CAST: variants seen among roughly 807,000 people sequenced by gnomAD.
The protein encoded by CAST is MIR583 host.
Under a neutral mutation model 119.6 loss-of-function variants are expected in CAST, and 76 were observed. The ratio of observed to expected loss-of-function variants is 0.64; its 90% CI spans 0.53 to 0.77. The LOEUF is 0.77. CAST is among the 30% of genes least tolerant of loss of function. The probability of loss-of-function intolerance (pLI) is 0.00; values close to 1 mark genes in which losing one functional copy is unlikely to be tolerated. For missense variants in CAST, 953 were observed against 946.5 expected (o/e 1.01, Z -0.09); for synonymous variants, 319 against 331.6 (o/e 0.96, Z 0.41).
chr5:96,555,580 C>A (rs142646887), intron 1 of CAST, among the ~76,000 whole-genome samples: 1,897 of 152,286 alleles, frequency 0.012, 58 homozygotes, highest in African/African-American at 0.044. Context: ...GACATTATAT[C>A]CCGCACCTGG....
the CAST span, among the ~76,000 whole-genome samples, chr5:96,468,135 A>G: frequency 6.6e-6 from 1 of 152,052 alleles, no homozygotes; most frequent in Non-Finnish European, 1.5e-5. Context: ...AGAATGAAAA[A>G]CCAAATGCTG....
intron 22 of CAST, among the ~76,000 whole-genome samples, chr5:96,755,564 C>T (rs1444969695): frequency 1.3e-5 from 2 of 152,124 alleles, no homozygotes; most frequent in Admixed American, 6.5e-5. Flanking sequence ...TTAAATGAGG[C>T]GGATTCGTGG....
the CAST span, among the ~76,000 whole-genome samples, chr5:95,970,615 C>T: frequency 9.2e-5 from 14 of 152,136 alleles, 1 homozygote; most frequent in Middle Eastern, 6.8e-3. Context: ...CTCTGAGAGC[C>T]GATATTATTG....
the CAST span, among the ~76,000 whole-genome samples, chr5:96,074,749 C>G: frequency 6.6e-6 from 1 of 152,256 alleles, no homozygotes; most frequent in South Asian, 2.1e-4. Flanking sequence ...CCAGCAAATT[C>G]AGTGACTTGC....
the CAST span, among the ~76,000 whole-genome samples, chr5:96,143,524 C>G: frequency 3.3e-5 from 5 of 152,210 alleles, no homozygotes. Context: ...TGGGCCGATT[C>G]CTAAACTGAG....
chr5:96,275,892 G>A, the CAST span, among the ~76,000 whole-genome samples: 2 of 152,160 alleles, frequency 1.3e-5, no homozygotes, highest in African/African-American at 4.8e-5. Flanking sequence ...TTCATTTATT[G>A]AGAAGAGCAC....
chr5:96,754,883 T>G, intron 22 of CAST, 142 bp downstream of exon 22: 1 of 554,728 alleles, frequency 1.8e-6, no homozygotes, highest in Non-Finnish European at 3.3e-6. Context: ...AGTCTACTAC[T>G]AATAGTGTTA....
the CAST span, among the ~76,000 whole-genome samples, chr5:96,053,690 G>C: frequency 6.6e-6 from 1 of 152,186 alleles, no homozygotes; most frequent in Non-Finnish European, 1.5e-5. Flanking sequence ...CATTTCATCT[G>C]TTACTAAACA....
At chr5:95,999,346 A>G in the CAST span, among the ~76,000 whole-genome samples, 1 of 152,076 alleles carries the variant, frequency 6.6e-6, no homozygotes, top group Admixed American at 6.6e-5. Flanking sequence ...CATATTCAGT[A>G]TATCCATATA....
chr5:96,534,688 G>A (rs1432746188), intron 1 of CAST, among the ~76,000 whole-genome samples: 1 of 36,910 alleles, frequency 2.7e-5, no homozygotes, highest in African/African-American at 8.4e-5. Flanking sequence ...GAGAGAGAGA[G>A]AGGAAGGAAG....
rs368840084 is a variant in CAST, at chr5:96,591,829, T to C, written c.60+61949T>C. 7.7e-4 allele frequency among the ~76,000 whole-genome samples: 118 copies of C among 152,328 alleles called. 1 individual carries two copies. The South Asian group carries it at 0.024, about 31-fold the overall frequency. ...AGAAAAGCAGTACTGTTTATAAGGA[T>C]TCTGTGCTTACCAAAGACTGAACTT... On this transcript the variant is annotated intron_variant, in intron 1 of 11. Coordinates refer to the CAST transcript ENST00000505143.
At chr5:96,754,276 G>A (rs2150600840) in intron 21 of CAST, 115 bp downstream of exon 21, 1 of 724,626 alleles carries the variant, frequency 1.4e-6, no homozygotes, top group Non-Finnish European at 2.5e-6. Flanking sequence ...ATGACCAGCT[G>A]GCTTTTTCTA....
chr5:96,134,092 A>G, the CAST span, among the ~76,000 whole-genome samples: 1 of 152,256 alleles, frequency 6.6e-6, no homozygotes, highest in Non-Finnish European at 1.5e-5. Context: ...TTTGGCCTTT[A>G]GTTGGTAACA....
the CAST span, among the ~76,000 whole-genome samples, chr5:96,200,254 G>C: frequency 3.3e-4 from 50 of 152,216 alleles, 1 homozygote; most frequent in African/African-American, 1.1e-3. Flanking sequence ...TGTCAAAGGA[G>C]ATCAAATATT....
intron 2 of CAST, among the ~76,000 whole-genome samples, chr5:96,680,540 GAAATAGC>G (rs969604263): frequency 6.6e-6 from 1 of 151,600 alleles, no homozygotes; most frequent in Non-Finnish European, 1.5e-5. Context: ...TTTTTAAGCA[GAAATAGC>G]AAAGGAACAC....
chr5:96,184,422 G>A, the CAST span, among the ~76,000 whole-genome samples: 7 of 152,108 alleles, frequency 4.6e-5, no homozygotes, highest in East Asian at 1.2e-3. Flanking sequence ...AGGTAAGTTC[G>A]TGCCACGGTG....
chr5:96,322,711 TG>T, the CAST span, among the ~76,000 whole-genome samples: 1 of 152,166 alleles, frequency 6.6e-6, no homozygotes, highest in Non-Finnish European at 1.5e-5. Context: ...TTTGCTTTTT[TG>T]TTTCTCTCAG....
chr5:96,255,778 T>A, the CAST span, among the ~76,000 whole-genome samples: 2 of 152,164 alleles, frequency 1.3e-5, no homozygotes, highest in Non-Finnish European at 2.9e-5. Context: ...AGTTTGATGC[T>A]CATTTCCCAA....
chr5:96,042,406 G>A, the CAST span, among the ~76,000 whole-genome samples: 1 of 152,102 alleles, frequency 6.6e-6, no homozygotes, highest in East Asian at 1.9e-4. Flanking sequence ...TGTTAAAGAT[G>A]ATCAGAATAT....
Sources: allele counts gnomAD v4.1 joint callset (sites outside exome capture counted in the v4.1 genomes callset), GRCh38; gene constraint gnomAD v4.1.1; transcripts MANE v1.5; gene names NCBI Gene and HGNC (gene_info 2026-07-23, HGNC 2026-07-21).